IL20RA: variants seen among roughly 807,000 people sequenced by gnomAD.
IL20RA encodes interleukin-20 receptor subunit alpha.
IL20RA carries 29 observed loss-of-function variants against 36.5 expected under a neutral mutation model. That is an observed-to-expected ratio of 0.79 (90% CI 0.59 to 1.08). IL20RA has a LOEUF of 1.08. IL20RA is among the 50% of genes least tolerant of loss of function. The probability of loss-of-function intolerance (pLI) is 0.00; values close to 1 mark genes in which losing one functional copy is unlikely to be tolerated. For synonymous variants in IL20RA, 279 were observed against 267.1 expected (o/e 1.04, Z -0.43); for missense variants, 652 against 668.4 (o/e 0.98, Z 0.27).
chr6:137,013,470 T>C (rs985828745), intron 2 of IL20RA, among the ~76,000 whole-genome samples: 7 of 152,210 alleles, frequency 4.6e-5, no homozygotes, highest in African/African-American at 1.7e-4. Flanking sequence ...TCACTAATTA[T>C]CATAACAACC....
chr6:137,026,118 T>G (rs1293561738), intron 1 of IL20RA, among the ~76,000 whole-genome samples: 1 of 152,212 alleles, frequency 6.6e-6, no homozygotes, highest in South Asian at 2.1e-4. Context: ...TATGACCAAC[T>G]GGGGCAGCCT....
intron 1 of IL20RA, among the ~76,000 whole-genome samples, chr6:137,030,826 T>C (rs971119514): frequency 8.5e-5 from 13 of 152,138 alleles, no homozygotes; most frequent in Non-Finnish European, 1.6e-4. Flanking sequence ...AGTTTCCCAA[T>C]ACTCAGACGT....
chr6:137,044,613 C>T (rs1021499933), intron 1 of IL20RA, 28 bp downstream of exon 1: 2 of 1,220,596 alleles, frequency 1.6e-6, no homozygotes, highest in South Asian at 4.2e-5. Flanking sequence ...GCATCCCCGA[C>T]CCGCACCTGG....
In IL20RA at chr6:137,001,618, A is replaced by G; in HGVS notation, c.1602T>C (p.Asn534=). ...CCATGAATTGCATGAGATAGGTTTCATTTTCTCCTGGTGGCCTGTCTGGAG... is the reference window on the plus strand; with the variant it reads ...CCATGAATTGCATGAGATAGGTTTCGTTTTCTCCTGGTGGCCTGTCTGGAG... The part of the protein sequence containing the change: ...EPAPDRPPGE[N]ETYLMQFMEE... Residue 534 remains asparagine, a synonymous_variant, in exon 7 of 7, where the codon AAT becomes AAC. Transcript: ENST00000316649. 1.2e-6 allele frequency: 2 copies of G among 1,609,830 alleles called. No homozygotes were observed.
At chr6:137,041,320 G>A (rs941083330) in intron 1 of IL20RA, among the ~76,000 whole-genome samples, 1 of 152,168 alleles carries the variant, frequency 6.6e-6, no homozygotes, top group Non-Finnish European at 1.5e-5. Context: ...CTCCAGCAAG[G>A]TCTATAGTTT....
intron 1 of IL20RA, among the ~76,000 whole-genome samples, chr6:137,043,384 G>C (rs1399809307): frequency 6.6e-6 from 1 of 152,130 alleles, no homozygotes; most frequent in Non-Finnish European, 1.5e-5. Flanking sequence ...TAGGATTACA[G>C]GTGTGAGCCA....
intron 1 of IL20RA, among the ~76,000 whole-genome samples, chr6:137,040,703 C>T (rs973756428): frequency 1.3e-5 from 2 of 152,056 alleles, no homozygotes; most frequent in African/African-American, 2.4e-5. Context: ...ATATACTTAA[C>T]CAATTGAATA....
intron 1 of IL20RA, among the ~76,000 whole-genome samples, chr6:137,026,942 C>T (rs1281377879): frequency 6.6e-6 from 1 of 151,668 alleles, no homozygotes; most frequent in East Asian, 1.9e-4. Flanking sequence ...AGTGTAGTGG[C>T]GCAATCTTGG....
rs933774436 is a variant in IL20RA, at chr6:137,034,784, T to TA, written c.88+9856dup. On this transcript the variant is annotated intron_variant, in intron 1 of 6. Coordinates refer to ENST00000316649, the MANE Select transcript of IL20RA (RefSeq NM_014432.4). ...TGAAACCCTGTCTCTACTAAAAATA[T>TA]AAAAAAAAAAATGAGCCGGGCGTGG... is the stretch of plus-strand genomic sequence containing the variant. 3.2e-4 allele frequency among the ~76,000 whole-genome samples: 46 copies of TA among 145,314 alleles called. No homozygotes were observed. The South Asian group carries it at 3.3e-3, about 10-fold the overall frequency.
At chr6:137,029,034 G>A (rs973160437) in intron 1 of IL20RA, among the ~76,000 whole-genome samples, 1 of 152,160 alleles carries the variant, frequency 6.6e-6, no homozygotes, top group Admixed American at 6.6e-5. Flanking sequence ...TGCGTGCCAA[G>A]CTGTACCTGC....
intron 1 of IL20RA, among the ~76,000 whole-genome samples, chr6:137,043,349 C>T (rs1776771298): frequency 6.6e-6 from 1 of 152,138 alleles, no homozygotes; most frequent in South Asian, 2.1e-4. Flanking sequence ...CATCCTCCTG[C>T]CTATGTCTCT....
chr6:137,022,484 C>G (rs1775938922), intron 1 of IL20RA, among the ~76,000 whole-genome samples: 1 of 152,130 alleles, frequency 6.6e-6, no homozygotes, highest in Non-Finnish European at 1.5e-5. Flanking sequence ...CTCTTTGTCT[C>G]CCATATAAAT....
rs114954770 is a variant in IL20RA, at chr6:137,044,129, G to A, written c.88+512C>T. Reference sequence around the variant, plus strand: ...CGTCTTTCTGGATCATGTTCCTTCGGGGCTGACCCTTTCGGGGAGTTTGGC... The same window carrying A: ...CGTCTTTCTGGATCATGTTCCTTCGAGGCTGACCCTTTCGGGGAGTTTGGC... On this transcript the variant is annotated intron_variant, in intron 1 of 6. Transcript: ENST00000316649. 5.0e-3 allele frequency: 4,890 copies of A among 985,658 alleles called. 188 individuals carry two copies. The African/African-American group carries it at 0.079, about 16-fold the overall frequency. The allele number at this position is 985,658 out of a possible 1,614,324, so 61.1% of individuals were successfully genotyped here.
intron 1 of IL20RA, 140 bp from the exon 2 acceptor site, chr6:137,017,243 A>G: frequency 3.0e-6 from 2 of 666,812 alleles, no homozygotes; most frequent in Non-Finnish European, 5.1e-6. Flanking sequence ...GAAATGGAAA[A>G]GAGAATGTGG....
At chr6:137,036,770 A>C (rs1364557373) in intron 1 of IL20RA, among the ~76,000 whole-genome samples, 2 of 152,222 alleles carry the variant, frequency 1.3e-5, no homozygotes, top group African/African-American at 4.8e-5. Flanking sequence ...AGTTTGTGGC[A>C]CTTTGCCATG....
At chr6:137,024,108 C>G (rs919931638) in intron 1 of IL20RA, among the ~76,000 whole-genome samples, 1 of 151,736 alleles carries the variant, frequency 6.6e-6, no homozygotes, top group Non-Finnish European at 1.5e-5. Flanking sequence ...CAAAACAAAA[C>G]AAAACAAAAC....
intron 1 of IL20RA, among the ~76,000 whole-genome samples, chr6:137,022,710 A>C (rs910615080): frequency 7.2e-5 from 11 of 152,254 alleles, no homozygotes; most frequent in Admixed American, 3.9e-4. Flanking sequence ...TTGCAGATAC[A>C]GTTAACATGA....
At chr6:137,043,398 C>A (rs745626674) in intron 1 of IL20RA, among the ~76,000 whole-genome samples, 1 of 152,130 alleles carries the variant, frequency 6.6e-6, no homozygotes, top group African/African-American at 2.4e-5. Context: ...TGAGCCACAG[C>A]GCCCAGCTTC....
chr6:137,022,305 C>T (rs1183451132), intron 1 of IL20RA, among the ~76,000 whole-genome samples: 1 of 152,208 alleles, frequency 6.6e-6, no homozygotes, highest in East Asian at 1.9e-4. Context: ...TCTTTTGACA[C>T]GTTCTCCAGA....
Sources: gnomAD v4.1 joint callset for allele counts (sites outside exome capture counted in the v4.1 genomes callset) on GRCh38, gnomAD v4.1.1 for gene constraint, MANE v1.5 for transcripts, NCBI Gene and HGNC (gene_info 2026-07-23, HGNC 2026-07-21) for gene names.